Variants in OR51E2 observed in about 807,000 individuals in gnomAD.
OR51E2 encodes the protein olfactory receptor family 51 subfamily E member 2, also known as olfactory receptor 51E2.
In OR51E2, 14 loss-of-function variants were observed where a neutral mutation model predicts 13.7. The observed-to-expected ratio is 1.02, with a 90% confidence interval of 0.68 to 1.60. The LOEUF (loss-of-function observed/expected upper bound fraction) is 1.60, where lower values mean the gene tolerates loss of function less well. Ranked by LOEUF, OR51E2 falls within the 40% of genes most tolerant of loss-of-function variation. The pLI is 0.00. For missense variants in OR51E2, 483 were observed against 413.8 expected (o/e 1.17, Z -1.45); for synonymous variants, 180 against 157.6 (o/e 1.14, Z -1.07).
In OR51E2 at chr11:4,689,864, T is replaced by C. The variant is rs546817118; in HGVS notation, c.-50-7103A>G. ...TTGATTTGGGCTTTTTCTCCCTAAT[T>C]TGACTGAAAATTTCTAGAGGATAGA... On this transcript the variant is annotated intron_variant, in intron 1 of 1. Transcript: ENST00000396950. Among the ~76,000 whole-genome samples, 9 of 151,874 alleles carry C rather than the reference T, an allele frequency of 5.9e-5. No homozygotes were observed. In the East Asian group the frequency reaches 1.7e-3, roughly 29 times the overall value.
intron 1 of OR51E2, 69 bp downstream of exon 1, chr11:4,697,584 C>G (rs1202961679): frequency 2.0e-5 from 3 of 152,686 alleles, no homozygotes; most frequent in African/African-American, 7.2e-5. Context: ...GGAAATTACT[C>G]CCTGTGGGTG....
At chr11:4,688,503 T>C (rs970175692) in intron 1 of OR51E2, among the ~76,000 whole-genome samples, 1 of 152,098 alleles carries the variant, frequency 6.6e-6, no homozygotes, top group Non-Finnish European at 1.5e-5. Flanking sequence ...ATGGAGGAAA[T>C]ATAGATCATA....
chr11:4,688,784 G>C (rs1847544530), intron 1 of OR51E2, among the ~76,000 whole-genome samples: 1 of 152,148 alleles, frequency 6.6e-6, no homozygotes, highest in South Asian at 2.1e-4. Context: ...ATATCAGAGA[G>C]ATCTAGAAGA....
In OR51E2 at chr11:4,682,069, A is replaced by G. The variant is rs138073537; in HGVS notation, c.643T>C (p.Leu215=). The change falls in exon 2 of 2, where the codon TTG becomes CTG. Residue 215 remains leucine, a synonymous_variant. Transcript: ENST00000396950. ...VMGVDVMFIS[L]SYFLIIRTVL... ...GTTCGTATTATCAGAAAATAGGACAAGGAGATGAACATTACGTCCACGCCC... is the reference window on the plus strand; with the variant it reads ...GTTCGTATTATCAGAAAATAGGACAGGGAGATGAACATTACGTCCACGCCC... 9.3e-5 allele frequency: 150 copies of G among 1,614,256 alleles called. 1 individual carries two copies. In the East Asian group the frequency reaches 3.3e-3, roughly 35 times the overall value.
chr11:4,686,367 T>C (rs1185856493), intron 1 of OR51E2, among the ~76,000 whole-genome samples: 2 of 152,190 alleles, frequency 1.3e-5, no homozygotes, highest in Admixed American at 6.5e-5. Flanking sequence ...GGCTGAAGCA[T>C]AGAGTCAACC....
chr11:4,682,689 T>A lies in OR51E2; in HGVS notation c.23A>T (p.His8Leu). The A allele has an allele frequency of 6.2e-7, 1 of 1,613,720 alleles. No homozygotes were observed. The highest frequency in any genetic ancestry group is 8.5e-7 in the Non-Finnish European group (1 of 1,179,700). MSSCNFT[H>L]ATFVLIGIPG... The stretch of plus-strand genomic sequence containing the variant: ...GATACCAATAAGCACAAAGGTGGCA[T>A]GTGTGAAGTTGCAGGAACTCATAGC... The change falls in exon 2 of 2, where the codon CAT (histidine) becomes CTT (leucine). Residue 8 changes from histidine (H) to leucine (L), a missense_variant. Physicochemically the swap from His to Leu is moderately conservative, Grantham distance 99. Transcript: ENST00000396950.
chr11:4,681,561 C>G lies in OR51E2; in HGVS notation c.*188G>C, dbSNP rs956605784. On this transcript the variant is annotated 3_prime_UTR_variant, in exon 2 of 2. Transcript: ENST00000396950. ...TTTGGTTTTATTGTAGTCTTTAAAT[C>G]ATGTAATACTTCATTAGTATGTATT... is the stretch of plus-strand genomic sequence containing the variant. 2 of 605,680 alleles carry G rather than the reference C, an allele frequency of 3.3e-6. No homozygotes were observed. The highest frequency in any genetic ancestry group is 3.7e-5 in the African/African-American group (2 of 54,068). The allele number at this position is 605,680 out of a possible 1,614,324, so 37.5% of individuals were successfully genotyped here. A position where few individuals can be genotyped will look rare whatever the true frequency, so the allele number is the denominator to read the frequency against.
intron 1 of OR51E2, 95 bp from the exon 2 acceptor site, chr11:4,682,856 T>G: frequency 2.5e-6 from 2 of 815,756 alleles, no homozygotes; most frequent in Non-Finnish European, 3.8e-6. Context: ...TTAGGGTCTT[T>G]CATAAGCTCT....
Position 4,680,376 on chromosome 11 carries a change from G to T in OR51E2, c.*1373C>A, listed in dbSNP as rs922087181. 6.6e-6 allele frequency: 1 copy of T among 152,482 alleles called. No homozygotes were observed. The highest frequency in any genetic ancestry group is 1.5e-5 in the Non-Finnish European group (1 of 68,028). 9.4% of individuals were successfully genotyped at this position (152,482 alleles called of 1,614,324 possible). ...ATCACGAAAGGCAGCTGTAAAACAGGATTATTCTGCATGTGTTGCCCACAA... is the reference window on the plus strand; with the variant it reads ...ATCACGAAAGGCAGCTGTAAAACAGTATTATTCTGCATGTGTTGCCCACAA... On this transcript the variant is annotated 3_prime_UTR_variant, in exon 2 of 2. Coordinates refer to ENST00000396950, the MANE Select transcript of OR51E2 (RefSeq NM_030774.4).
chr11:4,692,274 C>A (rs1847591446), intron 1 of OR51E2: 1 of 352,382 alleles, frequency 2.8e-6, no homozygotes, highest in Admixed American at 3.5e-5. Flanking sequence ...TAAATGGCTT[C>A]AGCATCTAAC....
At position 4,680,714 on chromosome 11, in the gene OR51E2, A is replaced by C. The variant is rs1292973601; in HGVS notation, c.*1035T>G. ...CACATAAAACCTGTGAAGCACTTATAATAGTGCCAGAACATTGTGAGCACA... is the reference window on the plus strand; with the variant it reads ...CACATAAAACCTGTGAAGCACTTATCATAGTGCCAGAACATTGTGAGCACA... On this transcript the variant is annotated 3_prime_UTR_variant, in exon 2 of 2. Transcript: ENST00000396950. The C allele has an allele frequency of 1.3e-5, 2 of 152,564 alleles. No individual in the cohort carries two copies. Among genetic ancestry groups the C allele is most frequent in the Non-Finnish European group, 2.9e-5 (2 of 68,040 alleles). 9.5% of individuals were successfully genotyped at this position (152,564 alleles called of 1,614,324 possible). A position where few individuals can be genotyped will look rare whatever the true frequency, so the allele number is the denominator to read the frequency against.
rs139859991 is a variant in OR51E2, at chr11:4,682,022, C to A, written c.690G>T (p.Lys230Asn). 2.5e-5 allele frequency: 40 copies of A among 1,614,236 alleles called. No homozygotes were observed. The African/African-American group carries it at 4.9e-4, about 20-fold the overall frequency. The part of the protein sequence containing the change: ...IIRTVLQLPS[K>N]SERAKAFGTC... ...TTCCAAAGGCCTTGGCCCGCTCTGA[C>A]TTGGAAGGCAGTTGCAGAACCGTTC... Residue 230 changes from lysine to asparagine, a missense_variant, in exon 2 of 2, where the codon AAG becomes AAT. By Grantham distance (94) the Lys-to-Asn change is moderately conservative. Transcript: ENST00000396950.
chr11:4,689,725 T>C (rs1488446547), intron 1 of OR51E2, among the ~76,000 whole-genome samples: 1 of 152,168 alleles, frequency 6.6e-6, no homozygotes, highest in African/African-American at 2.4e-5. Context: ...TCATTTGTAG[T>C]CACTTTCCAT....
intron 1 of OR51E2, chr11:4,691,352 C>T (rs767278356): frequency 2.2e-6 from 1 of 457,720 alleles, no homozygotes; most frequent in African/African-American, 2.0e-5. Flanking sequence ...CCATGGCCAA[C>T]AGCACTGAGG....
chr11:4,682,650 T>C lies in OR51E2; in HGVS notation c.62A>G (p.Lys21Arg), dbSNP rs750861808. The C allele has an allele frequency of 6.2e-7, 1 of 1,614,046 alleles. No individual in the cohort carries two copies. Among genetic ancestry groups the C allele is most frequent in the Non-Finnish European group, 8.5e-7 (1 of 1,180,032 alleles). ...GGGGAAGCCAACCCAGAAATGGGCTTTCTCTAATCCTGGGATACCAATAAG... is the reference window on the plus strand; with the variant it reads ...GGGGAAGCCAACCCAGAAATGGGCTCTCTCTAATCCTGGGATACCAATAAG... ...FVLIGIPGLE[K>R]AHFWVGFPLL... Residue 21 changes from lysine to arginine, a missense_variant, in exon 2 of 2, where the codon AAA becomes AGA. Coordinates refer to ENST00000396950, the MANE Select transcript of OR51E2 (RefSeq NM_030774.4).
Position 4,681,847 on chromosome 11 carries a change from T to C in OR51E2, c.865A>G (p.Ile289Val). 1.2e-6 allele frequency: 2 copies of C among 1,614,120 alleles called. No homozygotes were observed. The highest frequency in any genetic ancestry group is 2.2e-5 in the South Asian group (2 of 91,078). Residue 289 changes from isoleucine (I) to valine (V), a missense_variant, in exon 2 of 2, where the codon ATC becomes GTC. Ile to Val is a conservative substitution (Grantham distance 29). Coordinates refer to ENST00000396950, the MANE Select transcript of OR51E2 (RefSeq NM_030774.4). ...TGTTTGGTTTTGGCACCATAGATGA[T>C]GGGATTGATGACAGGAGGCAGCAGC... ...YLLLPPVINP[I>V]IYGAKTKQIR...
chr11:4,684,171 C>T (rs1455535798), intron 1 of OR51E2, among the ~76,000 whole-genome samples: 2 of 152,178 alleles, frequency 1.3e-5, no homozygotes, highest in Non-Finnish European at 2.9e-5. Flanking sequence ...TTGAAGGTTA[C>T]AAAACCCATA....
chr11:4,691,344 A>G (rs765741609), intron 1 of OR51E2: 5 of 457,846 alleles, frequency 1.1e-5, no homozygotes, highest in South Asian at 7.7e-5. Flanking sequence ...ATCAAAAGCC[A>G]TGGCCAACAG....
In OR51E2 at chr11:4,682,351, G is replaced by A. The variant is rs889066345; in HGVS notation, c.361C>T (p.Arg121Cys). ...AGTGGGTGGCAGATGGCCACATAAC[G>A]GTCAAAGGCCATGGCCAGCAGGATG... ...STILLAMAFD[R>C]YVAICHPLRH... The change falls in exon 2 of 2, where the codon CGT becomes TGT. Residue 121 changes from arginine to cysteine, a missense_variant. Arg to Cys is a radical substitution (Grantham distance 180). Coordinates refer to ENST00000396950, the MANE Select transcript of OR51E2 (RefSeq NM_030774.4). 8.1e-6 allele frequency: 13 copies of A among 1,614,082 alleles called. No homozygotes were observed. Among genetic ancestry groups the A allele is most frequent in the East Asian group, 2.2e-5 (1 of 44,890 alleles).
Sources: allele counts gnomAD v4.1 joint callset (sites outside exome capture counted in the v4.1 genomes callset), GRCh38; gene constraint gnomAD v4.1.1; transcripts MANE v1.5; gene names NCBI Gene and HGNC (gene_info 2026-07-23, HGNC 2026-07-21).